Variants in CDH18 observed in about 807,000 individuals in gnomAD.
The protein encoded by CDH18 is cadherin-18.
CDH18 carries 31 observed loss-of-function variants against 67.9 expected under a neutral mutation model. The observed-to-expected ratio is 0.46, with a 90% confidence interval of 0.34 to 0.62. The LOEUF is 0.62. Ranked by LOEUF, CDH18 falls within the 20% of genes least tolerant of loss-of-function variation. The pLI is 0.01. For synonymous variants in CDH18, 362 were observed against 347.2 expected, an observed-to-expected ratio of 1.04 and a Z score of -0.48; for missense variants, 890 against 975.5, an observed-to-expected ratio of 0.91 and a Z score of 1.17.
intron 2 of CDH18, among the ~76,000 whole-genome samples, chr5:19,880,939 G>A (rs1787575309): frequency 6.6e-6 from 1 of 152,046 alleles, no homozygotes; most frequent in South Asian, 2.1e-4. Flanking sequence ...GGCTGTAATT[G>A]TTGACACTGC....
intron 2 of CDH18, among the ~76,000 whole-genome samples, chr5:19,855,928 G>T (rs1784234918): frequency 6.6e-6 from 1 of 152,136 alleles, no homozygotes; most frequent in African/African-American, 2.4e-5. Flanking sequence ...GAAGGATTTG[G>T]AAGAAAATGG....
chr5:20,070,521 G>T (rs906565603), intron 2 of CDH18, among the ~76,000 whole-genome samples: 5 of 152,078 alleles, frequency 3.3e-5, no homozygotes, highest in Non-Finnish European at 5.9e-5. Context: ...CGGTATTAGG[G>T]AAAATAAATT....
chr5:19,718,804 C>G (rs1337291350), intron 5 of CDH18, among the ~76,000 whole-genome samples: 2 of 151,780 alleles, frequency 1.3e-5, no homozygotes, highest in African/African-American at 4.8e-5. Context: ...AAGAAAGGAA[C>G]AAAGAAATGC....
intron 1 of CDH18, among the ~76,000 whole-genome samples, chr5:20,524,104 T>C (rs1204447667): frequency 6.6e-6 from 1 of 152,206 alleles, no homozygotes; most frequent in Non-Finnish European, 1.5e-5. Context: ...AGACATTTGA[T>C]TATAAACATT....
chr5:19,736,767 G>A (rs951599578), intron 4 of CDH18, among the ~76,000 whole-genome samples: 4 of 152,184 alleles, frequency 2.6e-5, no homozygotes, highest in Admixed American at 6.5e-5. Flanking sequence ...ATGAAAGGTC[G>A]CAACTTCCAC....
chr5:20,462,671 A>G (rs1273763843), intron 1 of CDH18, among the ~76,000 whole-genome samples: 2 of 152,204 alleles, frequency 1.3e-5, no homozygotes, highest in Non-Finnish European at 2.9e-5. Context: ...ATAAATGCAT[A>G]CCATATGCCT....
chr5:19,643,615 AT>A (rs1241868741), intron 5 of CDH18, among the ~76,000 whole-genome samples: 1 of 152,126 alleles, frequency 6.6e-6, no homozygotes, highest in Admixed American at 6.5e-5. Context: ...TACATGTGGA[AT>A]CTAAAAATGT....
At chr5:20,105,818 T>C (rs1203855358) in intron 2 of CDH18, among the ~76,000 whole-genome samples, 1 of 152,230 alleles carries the variant, frequency 6.6e-6, no homozygotes, top group Non-Finnish European at 1.5e-5. Context: ...CTTTATCTGT[T>C]GATGAACAGT....
intron 7 of CDH18, among the ~76,000 whole-genome samples, chr5:19,574,213 G>A (rs1284661143): frequency 2.0e-5 from 3 of 152,062 alleles, no homozygotes; most frequent in Non-Finnish European, 4.4e-5. Flanking sequence ...GATGCCATTT[G>A]CCTCAATACT....
At chr5:19,668,082 A>T (rs1758213802) in intron 5 of CDH18, among the ~76,000 whole-genome samples, 1 of 152,078 alleles carries the variant, frequency 6.6e-6, no homozygotes, top group Admixed American at 6.6e-5. Context: ...TGGGATAATG[A>T]CAAAGCCTTT....
At chr5:19,925,448 A>G (rs1456321082) in intron 2 of CDH18, among the ~76,000 whole-genome samples, 1 of 152,118 alleles carries the variant, frequency 6.6e-6, no homozygotes, top group African/African-American at 2.4e-5. Context: ...TATTGGGGAG[A>G]CGAACTCATC....
intron 2 of CDH18, among the ~76,000 whole-genome samples, chr5:19,880,357 T>A (rs1002352097): frequency 2.6e-4 from 39 of 152,054 alleles, no homozygotes; most frequent in African/African-American, 8.0e-4. Flanking sequence ...TATACAGAGG[T>A]GAATGCAAAT....
chr5:20,241,092 T>G (rs917804932), intron 2 of CDH18, among the ~76,000 whole-genome samples: 3 of 152,212 alleles, frequency 2.0e-5, no homozygotes, highest in Non-Finnish European at 4.4e-5. Context: ...AAACATTGTA[T>G]TTACAGTCTT....
At chr5:19,854,809 T>C (rs1359147921) in intron 2 of CDH18, among the ~76,000 whole-genome samples, 1 of 152,102 alleles carries the variant, frequency 6.6e-6, no homozygotes, top group Non-Finnish European at 1.5e-5. Context: ...TGCTACTTAA[T>C]ACTAGATCGT....
intron 1 of CDH18, among the ~76,000 whole-genome samples, chr5:20,538,547 T>C (rs757462990): frequency 3.3e-5 from 5 of 152,152 alleles, no homozygotes; most frequent in Non-Finnish European, 7.4e-5. Context: ...TGAAAGGCTA[T>C]GTGGCTCTGA....
At chr5:19,606,760 C>T (rs143967367) in intron 6 of CDH18, among the ~76,000 whole-genome samples, 4 of 151,544 alleles carry the variant, frequency 2.6e-5, no homozygotes, top group Non-Finnish European at 5.9e-5. Flanking sequence ...AAAATGAGGT[C>T]GAAGAAATAC....
chr5:19,574,632 A>T (rs944093659), intron 7 of CDH18, among the ~76,000 whole-genome samples: 1 of 152,110 alleles, frequency 6.6e-6, no homozygotes, highest in Non-Finnish European at 1.5e-5. Flanking sequence ...TTAGTATTAT[A>T]GTGATTATTT....
intron 1 of CDH18, among the ~76,000 whole-genome samples, chr5:20,473,072 AC>A (rs1190137583): frequency 4.6e-5 from 7 of 152,172 alleles, no homozygotes; most frequent in African/African-American, 1.7e-4. Flanking sequence ...AGGAATATAA[AC>A]ATGAATGTAC....
intron 3 of CDH18, among the ~76,000 whole-genome samples, chr5:19,795,080 T>C (rs1776724044): frequency 6.6e-6 from 1 of 152,088 alleles, no homozygotes; most frequent in South Asian, 2.1e-4. Context: ...GAAATGAGCT[T>C]ACCCATTTCA....
Sources: allele counts gnomAD v4.1 joint callset (sites outside exome capture counted in the v4.1 genomes callset), GRCh38; gene constraint gnomAD v4.1.1; transcripts MANE v1.5; gene names NCBI Gene and HGNC (gene_info 2026-07-23, HGNC 2026-07-21).